Variants in MTMR6 observed in about 807,000 individuals in gnomAD.
MTMR6 encodes phosphatidylinositol-3,5-bisphosphate 3-phosphatase MTMR6.
A neutral mutation model predicts 80.1 loss-of-function variants in MTMR6; 47 were observed. The ratio of observed to expected loss-of-function variants is 0.59; its 90% CI spans 0.46 to 0.75. The LOEUF is 0.75. Ranked by LOEUF, MTMR6 falls within the 30% of genes least tolerant of loss-of-function variation. MTMR6 has a pLI of 0.00. For synonymous variants in MTMR6, 254 were observed against 253.0 expected (o/e 1.00, Z -0.04); for missense variants, 629 against 730.9 (o/e 0.86, Z 1.61).
At chr13:25,255,820 C>G (rs531023827) in intron 9 of MTMR6, among the ~76,000 whole-genome samples, 3 of 152,320 alleles carry the variant, frequency 2.0e-5, no homozygotes, top group African/African-American at 7.2e-5. Flanking sequence ...CTGCGCCCAG[C>G]CACTGACTCT....
chr13:25,254,877 C>T (rs1223476272), intron 9 of MTMR6, among the ~76,000 whole-genome samples: 2 of 151,724 alleles, frequency 1.3e-5, no homozygotes, highest in Non-Finnish European at 2.9e-5. Flanking sequence ...TATTTATATA[C>T]TACTTTTTTT....
At chr13:25,261,646 G>A (rs749728646) in intron 6 of MTMR6, 22 bp downstream of exon 6, 5 of 1,590,126 alleles carry the variant, frequency 3.1e-6, no homozygotes, top group African/African-American at 2.7e-5. Flanking sequence ...CTAGCAGACT[G>A]TACTGTATTT....
chr13:25,276,030 T>C (rs1457142074), intron 1 of MTMR6, among the ~76,000 whole-genome samples: 1 of 150,510 alleles, frequency 6.6e-6, no homozygotes, highest in Non-Finnish European at 1.5e-5. Flanking sequence ...TCTAGCTTCA[T>C]TTTACAACAC....
At chr13:25,276,734 T>C (rs1957736744) in intron 1 of MTMR6, among the ~76,000 whole-genome samples, 1 of 152,218 alleles carries the variant, frequency 6.6e-6, no homozygotes, top group African/African-American at 2.4e-5. Context: ...CTCCCAAAAC[T>C]GTATGTCCAG....
chr13:25,275,903 G>C (rs1294490911), intron 1 of MTMR6, among the ~76,000 whole-genome samples: 1 of 130,576 alleles, frequency 7.7e-6, no homozygotes, highest in East Asian at 2.5e-4. Flanking sequence ...GAGAGGAGGG[G>C]AGGGGAGAGG....
At chr13:25,275,444 AC>A (rs2137608348) in intron 1 of MTMR6, among the ~76,000 whole-genome samples, 1 of 151,954 alleles carries the variant, frequency 6.6e-6, no homozygotes, top group South Asian at 2.1e-4. Flanking sequence ...AAACAAACAA[AC>A]AAAAGTTAAT....
At chr13:25,262,043 G>A (rs952525976) in intron 5 of MTMR6, among the ~76,000 whole-genome samples, 2 of 151,978 alleles carry the variant, frequency 1.3e-5, no homozygotes, top group Admixed American at 6.6e-5. Context: ...AGAAACCTGG[G>A]TCCTAAGAAA....
Position 25,265,855 on chromosome 13 carries a change from T to A in MTMR6, c.555A>T (p.Arg185Ser). 6.2e-7 allele frequency: 1 copy of A among 1,614,064 alleles called. No homozygotes were observed. Among genetic ancestry groups the A allele is most frequent in the Non-Finnish European group, 8.5e-7 (1 of 1,179,936 alleles). ...GATGATAGTAGGAAAGAACTGGGAATCTTCCCTTGCTCCGGAACTTGGAAC... is the reference window on the plus strand; with the variant it reads ...GATGATAGTAGGAAAGAACTGGGAAACTTCCCTTGCTCCGGAACTTGGAAC... ...VGSSKFRSKGRFPVLSYYHQD... is the reference protein window; with the variant it reads ...VGSSKFRSKGSFPVLSYYHQD... Residue 185 changes from arginine (R) to serine (S), a missense_variant, in exon 5 of 14, where the codon AGA becomes AGT. Coordinates refer to ENST00000381801, the MANE Select transcript of MTMR6 (RefSeq NM_004685.5).
intron 2 of MTMR6, among the ~76,000 whole-genome samples, chr13:25,273,641 T>TCA (rs1215438401): frequency 1.3e-5 from 2 of 151,306 alleles, no homozygotes; most frequent in Non-Finnish European, 2.9e-5. Context: ...TTCTCCTGCC[T>TCA]CACCCTCCCA....
rs1957024780 is a variant in MTMR6 at position 25,248,515 on chromosome 13, A to T, written c.*717T>A. Reference sequence around the variant, plus strand: ...CAAATGTAGCACTAAACAAATTATGATCAGAATAAACCTTCAGTTTCATTA... The same window carrying T: ...CAAATGTAGCACTAAACAAATTATGTTCAGAATAAACCTTCAGTTTCATTA... On this transcript the variant is annotated 3_prime_UTR_variant, in exon 14 of 14. Transcript: ENST00000381801. 1 of 152,144 alleles carries T rather than the reference A, an allele frequency of 6.6e-6. No homozygotes were observed. The highest frequency in any genetic ancestry group is 2.4e-5 in the African/African-American group (1 of 41,434). 9.4% of individuals were successfully genotyped at this position (152,144 alleles called of 1,614,324 possible).
chr13:25,267,246 CAAA>C (rs771144201), intron 3 of MTMR6, among the ~76,000 whole-genome samples: 1 of 66,978 alleles, frequency 1.5e-5, no homozygotes. Flanking sequence ...GATTCCATCT[CAAA>C]AAAAAAAAAA....
intron 5 of MTMR6, 114 bp from the exon 6 acceptor site, chr13:25,261,916 C>A: frequency 1.0e-6 from 1 of 962,726 alleles, no homozygotes; most frequent in Non-Finnish European, 1.5e-6. Context: ...AATTAGGAGG[C>A]ATTAACTTTA....
At chr13:25,259,954 T>G (rs1036084457) in intron 6 of MTMR6, among the ~76,000 whole-genome samples, 1 of 151,584 alleles carries the variant, frequency 6.6e-6, no homozygotes, top group African/African-American at 2.4e-5. Context: ...CTCTGCCTCC[T>G]GGGTTCAAGC....
chr13:25,263,154 G>A (rs985030546), intron 5 of MTMR6, among the ~76,000 whole-genome samples: 6 of 152,206 alleles, frequency 3.9e-5, no homozygotes, highest in African/African-American at 1.4e-4. Context: ...CAGCTGACTA[G>A]CAAGTGATAA....
Position 25,285,662 on chromosome 13 carries a change from T to C in MTMR6, c.24+1562A>G, listed in dbSNP as rs572927482. Among the ~76,000 whole-genome samples, 7 of 152,080 alleles carry C rather than the reference T, an allele frequency of 4.6e-5. No individual in the cohort carries two copies. The South Asian group carries it at 1.2e-3, about 27-fold the overall frequency. The stretch of plus-strand genomic sequence containing the variant: ...CAATTCTCCTGCCTCAGCCTCTGAG[T>C]AGCTGGGATTACAGGCGCCTGCCAC... On this transcript the variant is annotated intron_variant, in intron 1 of 13. Coordinates refer to ENST00000381801, the MANE Select transcript of MTMR6 (RefSeq NM_004685.5).
chr13:25,252,490 C>CT (rs1269889524), intron 11 of MTMR6, among the ~76,000 whole-genome samples: 1 of 152,188 alleles, frequency 6.6e-6, no homozygotes, highest in African/African-American at 2.4e-5. Flanking sequence ...TTTTGCAAAT[C>CT]TAAGAGTAGC....
intron 3 of MTMR6, among the ~76,000 whole-genome samples, 178 bp from the exon 4 acceptor site, chr13:25,266,464 T>C (rs1203841774): frequency 6.6e-6 from 1 of 152,216 alleles, no homozygotes; most frequent in African/African-American, 2.4e-5. Context: ...AAAGCACACA[T>C]ATCAATCTGA....
At chr13:25,280,147 T>C (rs1449431099) in intron 1 of MTMR6, among the ~76,000 whole-genome samples, 2 of 152,220 alleles carry the variant, frequency 1.3e-5, no homozygotes, top group African/African-American at 4.8e-5. Flanking sequence ...GGTTTTAAGC[T>C]TGTCACACTG....
intron 6 of MTMR6, chr13:25,260,510 C>T: frequency 1.5e-6 from 1 of 675,944 alleles, no homozygotes; most frequent in Non-Finnish European, 2.1e-6. Context: ...AGAATCACTT[C>T]TAAAATAGTG....
Sources: gnomAD v4.1 joint callset for allele counts (sites outside exome capture counted in the v4.1 genomes callset) on GRCh38, gnomAD v4.1.1 for gene constraint, MANE v1.5 for transcripts, NCBI Gene and HGNC (gene_info 2026-07-23, HGNC 2026-07-21) for gene names.